Variants in NINL observed in about 807,000 individuals in gnomAD.
NINL encodes ninein-like protein.
In NINL, 153 loss-of-function variants were observed where a neutral mutation model predicts 160.3. The observed-to-expected ratio is 0.95, with a 90% CI of 0.84 to 1.09. The LOEUF is 1.09. NINL is among the 50% of genes least tolerant of loss of function. The pLI, the probability that NINL is intolerant of heterozygous loss-of-function variation, is 0.00. For missense variants in NINL, 1,829 were observed against 1,764.0 expected, an observed-to-expected ratio of 1.04 and a Z score of -0.66; for synonymous variants, 800 against 734.8, an observed-to-expected ratio of 1.09 and a Z score of -1.43.
At chr20:25,461,705 A>G (rs754081469) in intron 20 of NINL, 70 bp from the exon 21 acceptor site, 15 of 1,072,808 alleles carry the variant, frequency 1.4e-5, no homozygotes, top group Non-Finnish European at 2.1e-5. Context: ...TCGTGCAAAA[A>G]CCTCAGAAAA....
intron 23 of NINL, among the ~76,000 whole-genome samples, chr20:25,454,400 T>C (rs1463966244): frequency 1.3e-5 from 2 of 152,004 alleles, no homozygotes; most frequent in African/African-American, 4.8e-5. Context: ...AGCCACAGGA[T>C]TGAACCAGAA....
chr20:25,543,946 C>T lies in NINL; in HGVS notation c.-11-17348G>A, dbSNP rs58167480. Among the ~76,000 whole-genome samples the T allele has an allele frequency of 5.6e-4, 73 of 130,382 alleles. 2 individuals carry two copies. The highest frequency in any genetic ancestry group is 2.2e-3 in the African/African-American group (62 of 28,760). The allele number at this position is 130,382 out of a possible 152,430, so 85.5% of individuals were successfully genotyped here. A position where few individuals can be genotyped will look rare whatever the true frequency, so the allele number is the denominator to read the frequency against. On this transcript the variant is annotated intron_variant, in intron 1 of 23. Coordinates refer to ENST00000278886, the MANE Select transcript of NINL (RefSeq NM_025176.6). ...TGCTGGGATTACAGGCGTGAGCCAC[C>T]GCGCCTGGCCTAATTTTTATATATA...
chr20:25,527,130 T>C (rs1209070749), intron 1 of NINL, among the ~76,000 whole-genome samples: 2 of 152,024 alleles, frequency 1.3e-5, no homozygotes, highest in African/African-American at 4.8e-5. Context: ...ACACTACTAT[T>C]AATATTTTGA....
intron 19 of NINL, 72 bp from the exon 20 acceptor site, chr20:25,462,613 A>G: frequency 1.6e-6 from 2 of 1,281,534 alleles, no homozygotes; most frequent in South Asian, 1.4e-5. Flanking sequence ...ACATTTGCCC[A>G]TCATTGGCTA....
In NINL at chr20:25,575,442, G is replaced by A. The variant is rs552279063; in HGVS notation, c.-12+10013C>T. 1.3e-3 allele frequency among the ~76,000 whole-genome samples: 102 copies of A among 77,932 alleles called. 1 individual carries two copies. In the South Asian group the frequency reaches 0.019, roughly 15 times the overall value. The allele number at this position is 77,932 out of a possible 152,430, so 51.1% of individuals were successfully genotyped here. A position where few individuals can be genotyped will look rare whatever the true frequency, so the allele number is the denominator to read the frequency against. The stretch of plus-strand genomic sequence containing the variant: ...AGCCTGGGCAACAGAGCGAGACTCC[G>A]TCTCAAAAAAAAAAAAAAAAAAAGA... On this transcript the variant is annotated intron_variant, in intron 1 of 23. Coordinates refer to ENST00000278886, the MANE Select transcript of NINL (RefSeq NM_025176.6).
chr20:25,489,259 G>A lies in NINL; in HGVS notation c.1662C>T (p.Tyr554=), dbSNP rs747266059. ...AGGCACGTACCCGGCACTTGAGCTCGTATTCCTTCAGGACTGCTGCGAACC... is the reference window on the plus strand; with the variant it reads ...AGGCACGTACCCGGCACTTGAGCTCATATTCCTTCAGGACTGCTGCGAACC... ...EERFAAVLKE[Y]ELKCRDLQDR... The change falls in exon 13 of 24, where the codon TAC becomes TAT. Residue 554 remains tyrosine (Y), a synonymous_variant. Transcript: ENST00000278886. 8.7e-6 allele frequency: 14 copies of A among 1,613,994 alleles called. No homozygotes were observed. In the East Asian group the frequency reaches 1.3e-4, roughly 15 times the overall value.
chr20:25,510,742 T>C lies in NINL; in HGVS notation c.451-2A>G. On this transcript the variant is annotated splice_acceptor_variant, in intron 4 of 23. Coordinates refer to ENST00000278886, the MANE Select transcript of NINL (RefSeq NM_025176.6). LOFTEE classifies it high-confidence loss of function. Reference sequence around the variant, plus strand: ...GGCCTCTTCATCTGACTTGGGACTCTGTAGAAAGATGCAGAGAGAAGGCTG... The same window carrying C: ...GGCCTCTTCATCTGACTTGGGACTCCGTAGAAAGATGCAGAGAGAAGGCTG... 1 of 1,611,698 alleles carries C rather than the reference T, an allele frequency of 6.2e-7. No homozygotes were observed. The highest frequency in any genetic ancestry group is 8.5e-7 in the Non-Finnish European group (1 of 1,178,452).
intron 1 of NINL, among the ~76,000 whole-genome samples, chr20:25,562,080 G>T (rs1158339582): frequency 4.1e-5 from 6 of 146,772 alleles, no homozygotes; most frequent in Admixed American, 4.0e-4. Context: ...AGGTGGGGGG[G>T]TCAGCCCCCC....
intron 13 of NINL, among the ~76,000 whole-genome samples, chr20:25,483,886 C>T (rs114602838): frequency 0.012 from 1,847 of 152,354 alleles, 30 homozygotes; most frequent in African/African-American, 0.039. Context: ...GCTGGGGCCT[C>T]GGTCCCCAGC....
At chr20:25,498,131 C>T (rs2063795218) in intron 9 of NINL, 79 bp downstream of exon 9, 5 of 1,542,088 alleles carry the variant, frequency 3.2e-6, no homozygotes, top group Non-Finnish European at 4.4e-6. Context: ...TGACTGGTGT[C>T]CTTTGTGTCC....
At chr20:25,484,966 A>T (rs1049365546) in intron 13 of NINL, among the ~76,000 whole-genome samples, 2 of 152,366 alleles carry the variant, frequency 1.3e-5, no homozygotes, top group Admixed American at 1.3e-4. Flanking sequence ...GCGGGGCACA[A>T]CATCACCCAT....
chr20:25,529,404 A>G (rs1485849734), intron 1 of NINL, among the ~76,000 whole-genome samples: 1 of 152,216 alleles, frequency 6.6e-6, no homozygotes, highest in Non-Finnish European at 1.5e-5. Flanking sequence ...CTGAGAATGA[A>G]CAAACCGGTT....
chr20:25,576,870 G>A (rs958072787), intron 1 of NINL, among the ~76,000 whole-genome samples: 16 of 152,162 alleles, frequency 1.1e-4, no homozygotes, highest in Admixed American at 6.6e-4. Flanking sequence ...GAATTGCTTC[G>A]CTTTAAAGCT....
At chr20:25,489,696 C>G (rs1471979490) in intron 12 of NINL, among the ~76,000 whole-genome samples, 179 bp downstream of exon 12, 4 of 152,128 alleles carry the variant, frequency 2.6e-5, no homozygotes, top group Non-Finnish European at 5.9e-5. Flanking sequence ...GACGGCCCCC[C>G]ACATTGTCAT....
intron 17 of NINL, 38 bp downstream of exon 17, chr20:25,476,005 T>C (rs2063222492): frequency 2.1e-5 from 33 of 1,581,690 alleles, no homozygotes; most frequent in Non-Finnish European, 2.8e-5. Context: ...CATTTTTAGT[T>C]TGAAGTGTTT....
intron 1 of NINL, among the ~76,000 whole-genome samples, chr20:25,539,014 C>G (rs1303894625): frequency 1.3e-5 from 2 of 152,132 alleles, no homozygotes; most frequent in African/African-American, 4.8e-5. Context: ...TGAGTGCTGC[C>G]CTTTAGTGAC....
At chr20:25,495,664 G>A (rs913155419) in intron 10 of NINL, among the ~76,000 whole-genome samples, 1 of 152,162 alleles carries the variant, frequency 6.6e-6, no homozygotes, top group African/African-American at 2.4e-5. Context: ...GAGCTACCCC[G>A]GAGGACCCTC....
intron 1 of NINL, among the ~76,000 whole-genome samples, chr20:25,540,826 G>A (rs74775734): frequency 0.012 from 1,868 of 152,092 alleles, 32 homozygotes; most frequent in African/African-American, 0.04. Flanking sequence ...ATTAACTTCC[G>A]CTTTAAGTGT....
rs532155845 is a variant in NINL at position 25,470,725 on chromosome 20, C to T, written c.3249-630G>A. Among the ~76,000 whole-genome samples the T allele has an allele frequency of 6.5e-4, 99 of 152,178 alleles. 3 individuals are homozygous for T. In the South Asian group the frequency reaches 0.016, roughly 25 times the overall value. On this transcript the variant is annotated intron_variant, in intron 17 of 23. Coordinates refer to ENST00000278886, the MANE Select transcript of NINL (RefSeq NM_025176.6). ...GATCACTAATGGGAGCCAGGAGTGG[C>T]GGCATGCATCTGTAATCCCAGCTAC...
Sources: gnomAD v4.1 joint callset for allele counts (sites outside exome capture counted in the v4.1 genomes callset) on GRCh38, gnomAD v4.1.1 for gene constraint, MANE v1.5 for transcripts, NCBI Gene and HGNC (gene_info 2026-07-23, HGNC 2026-07-21) for gene names.